The following FAXC variants were observed in gnomAD, a reference collection of about 807,000 sequenced individuals.
FAXC encodes the protein failed axon connections homolog.
FAXC carries 10 observed loss-of-function variants against 41.9 expected under a neutral mutation model. The observed-to-expected ratio is 0.24, with a 90% CI of 0.15 to 0.41. The LOEUF (loss-of-function observed/expected upper bound fraction) is 0.41, where lower values mean the gene tolerates loss of function less well. Ranked by LOEUF, FAXC falls within the 10% of genes least tolerant of loss-of-function variation. The pLI is 1.00. For synonymous variants in FAXC, 183 were observed against 183.8 expected (o/e 1.00, Z 0.03); for missense variants, 399 against 510.9 (o/e 0.78, Z 2.11).
chr6:99,330,119 C>T (rs1340235241), intron 3 of FAXC, among the ~76,000 whole-genome samples: 2 of 152,124 alleles, frequency 1.3e-5, no homozygotes, highest in East Asian at 3.9e-4. Flanking sequence ...CTCAGCTTCA[C>T]AAAGTGCTGA....
At chr6:99,347,554 C>T (rs1773647145) in intron 1 of FAXC, among the ~76,000 whole-genome samples, 1 of 152,196 alleles carries the variant, frequency 6.6e-6, no homozygotes, top group Admixed American at 6.5e-5. Context: ...CCAGTGACAA[C>T]ACCTGCCAGG....
intron 4 of FAXC, among the ~76,000 whole-genome samples, chr6:99,296,737 G>T (rs1441077387): frequency 6.6e-6 from 1 of 152,154 alleles, no homozygotes; most frequent in Admixed American, 6.5e-5. Context: ...AGAGAGCACA[G>T]ACCAGGGATA....
rs1773720096 is a variant in FAXC, at chr6:99,349,474, GGGCGGCGCGGGC to G, written c.-114_-103del. On this transcript the variant is annotated 5_prime_UTR_variant, in exon 1 of 6. Transcript: ENST00000389677. ...GGGCTCAGAGGCGCGCGGAGGGCGC[GGGCGGCGCGGGC>G]GGCGGCGACTGAGGAGGCGGCGGCG... The G allele has an allele frequency of 1.2e-6, 1 of 847,412 alleles. No homozygotes were observed. Among genetic ancestry groups the G allele is most frequent in the African/African-American group, 1.9e-5 (1 of 53,872 alleles). 52.5% of individuals were successfully genotyped at this position (847,412 alleles called of 1,614,324 possible). A position where few individuals can be genotyped will look rare whatever the true frequency, so the allele number is the denominator to read the frequency against.
intron 4 of FAXC, among the ~76,000 whole-genome samples, chr6:99,296,067 A>C (rs755789813): frequency 8.5e-5 from 13 of 152,070 alleles, no homozygotes; most frequent in Non-Finnish European, 1.0e-4. Flanking sequence ...GCACTAATGG[A>C]TATTTATTTT....
chr6:99,311,340 G>A lies in FAXC; in HGVS notation c.823+12104C>T, dbSNP rs149845616. 1.0e-3 allele frequency among the ~76,000 whole-genome samples: 155 copies of A among 152,280 alleles called. 1 individual carries two copies. In the Middle Eastern group the frequency reaches 0.041, roughly 40 times the overall value. ...ACCTTTAATCCCAACACTTTGGGAG[G>A]CCGAGGTGGGTGGATCACGAGGTCA... is the stretch of plus-strand genomic sequence containing the variant. On this transcript the variant is annotated intron_variant, in intron 4 of 5. Transcript: ENST00000389677.
chr6:99,340,671 T>C lies in FAXC; in HGVS notation c.402+2227A>G, dbSNP rs1328269547. Among the ~76,000 whole-genome samples, 4 of 141,006 alleles carry C rather than the reference T, an allele frequency of 2.8e-5. No homozygotes were observed. The East Asian group carries it at 6.1e-4, about 22-fold the overall frequency. 92.5% of individuals were successfully genotyped at this position (141,006 alleles called of 152,430 possible). ...GATAAGAATTGCTAAAATTCCTTTT[T>C]TTTTTTTTTTTTTTTTTTATGGAGT... is the stretch of plus-strand genomic sequence containing the variant. On this transcript the variant is annotated intron_variant, in intron 2 of 5. Coordinates refer to ENST00000389677, the MANE Select transcript of FAXC (RefSeq NM_032511.4).
chr6:99,326,747 C>T (rs1485850292), intron 3 of FAXC, among the ~76,000 whole-genome samples: 1 of 152,164 alleles, frequency 6.6e-6, no homozygotes, highest in Non-Finnish European at 1.5e-5. Flanking sequence ...GAAGTAGGGG[C>T]ATCTTTCTCT....
intron 2 of FAXC, among the ~76,000 whole-genome samples, chr6:99,337,313 A>C (rs1461151221): frequency 1.3e-5 from 2 of 152,092 alleles, no homozygotes; most frequent in Non-Finnish European, 2.9e-5. Context: ...CAACATCAAA[A>C]GTTAGGGCTG....
At chr6:99,299,075 A>G (rs925177022) in intron 4 of FAXC, among the ~76,000 whole-genome samples, 1 of 152,174 alleles carries the variant, frequency 6.6e-6, no homozygotes, top group Non-Finnish European at 1.5e-5. Context: ...TTCACAAAAA[A>G]AAATTATGGC....
intron 1 of FAXC, among the ~76,000 whole-genome samples, chr6:99,347,551 C>A (rs933045030): frequency 6.6e-6 from 1 of 152,180 alleles, no homozygotes; most frequent in Non-Finnish European, 1.5e-5. Flanking sequence ...TCTCCAGTGA[C>A]AACACCTGCC....
At chr6:99,284,598 T>TGTGTGTGTGAGA (rs34495212) in intron 5 of FAXC, among the ~76,000 whole-genome samples, 1 of 142,856 alleles carries the variant, frequency 7.0e-6, no homozygotes, top group Non-Finnish European at 1.5e-5. Context: ...TGTGTGTGTG[T>TGTGTGTGTGAGA]GATAAGCCTG....
chr6:99,330,722 T>C (rs538448882), intron 3 of FAXC, among the ~76,000 whole-genome samples: 10 of 152,244 alleles, frequency 6.6e-5, no homozygotes, highest in Non-Finnish European at 1.3e-4. Context: ...TATGTGAGTA[T>C]AGACACAACC....
chr6:99,299,642 G>A (rs1475300178), intron 4 of FAXC, among the ~76,000 whole-genome samples: 1 of 152,120 alleles, frequency 6.6e-6, no homozygotes, highest in African/African-American at 2.4e-5. Context: ...AGGAGGTCAC[G>A]GTAATCTCAC....
rs1771256908 is a variant in FAXC at position 99,291,831 on chromosome 6, T to C, written c.824-11A>G. The C allele has an allele frequency of 6.2e-7, 1 of 1,602,490 alleles. No individual in the cohort carries two copies. The highest frequency in any genetic ancestry group is 1.3e-5 in the African/African-American group (1 of 74,774). On this transcript the variant is annotated splice_polypyrimidine_tract_variant and intron_variant, in intron 4 of 5. Coordinates refer to ENST00000389677, the MANE Select transcript of FAXC (RefSeq NM_032511.4). ...TGTACTTCTTATCACCTGCAGTAAA[T>C]AAAGCAGAGAAGTCAATGGGCTGGC...
chr6:99,341,538 T>A (rs1433827534), intron 2 of FAXC, among the ~76,000 whole-genome samples: 1 of 151,822 alleles, frequency 6.6e-6, no homozygotes, highest in African/African-American at 2.4e-5. Flanking sequence ...ACTAGAAAAA[T>A]AAACAAGAGT....
intron 1 of FAXC, among the ~76,000 whole-genome samples, chr6:99,348,309 G>C (rs1159298738): frequency 2.6e-5 from 4 of 152,176 alleles, no homozygotes; most frequent in African/African-American, 9.7e-5. Context: ...CCAAACGACT[G>C]TCTCAGTGCC....
intron 4 of FAXC, among the ~76,000 whole-genome samples, chr6:99,306,841 C>A (rs996721229): frequency 1.3e-5 from 2 of 152,140 alleles, no homozygotes; most frequent in African/African-American, 2.4e-5. Context: ...CTGAAAAGCT[C>A]TCAGAATAGT....
chr6:99,314,142 T>A (rs1483063826), intron 4 of FAXC, among the ~76,000 whole-genome samples: 7 of 152,098 alleles, frequency 4.6e-5, no homozygotes, highest in Admixed American at 2.0e-4. Context: ...CCCAGAACTA[T>A]AGACACGTGC....
At chr6:99,346,479 T>C (rs552867274) in intron 1 of FAXC, among the ~76,000 whole-genome samples, 1 of 152,284 alleles carries the variant, frequency 6.6e-6, no homozygotes, top group Admixed American at 6.5e-5. Context: ...CTCCGCCTCC[T>C]GGGTTCAAGC....
Sources: gnomAD v4.1 joint callset for allele counts (sites outside exome capture counted in the v4.1 genomes callset) on GRCh38, gnomAD v4.1.1 for gene constraint, MANE v1.5 for transcripts, NCBI Gene and HGNC (gene_info 2026-07-23, HGNC 2026-07-21) for gene names.